Variants in IMMP2L observed in about 807,000 individuals in gnomAD.
IMMP2L encodes the protein inner mitochondrial membrane peptidase subunit 2.
Under a neutral mutation model 19.3 loss-of-function variants are expected in IMMP2L, and 18 were observed. The ratio of observed to expected loss-of-function variants is 0.93; its 90% CI spans 0.64 to 1.38. IMMP2L has a LOEUF of 1.38. Among genes scored for constraint, IMMP2L ranks in the 40% most tolerant of loss-of-function variants. The probability of loss-of-function intolerance (pLI) is 0.00; values close to 1 mark genes in which losing one functional copy is unlikely to be tolerated. For synonymous variants in IMMP2L, 76 were observed against 73.0 expected, an observed-to-expected ratio of 1.04 and a Z score of -0.21; for missense variants, 233 against 218.2, an observed-to-expected ratio of 1.07 and a Z score of -0.43.
At chr7:111,065,307 A>G (rs902859119) in intron 3 of IMMP2L, among the ~76,000 whole-genome samples, 9 of 152,142 alleles carry the variant, frequency 5.9e-5, no homozygotes, top group Non-Finnish European at 4.4e-5. Flanking sequence ...GGATTGGTGC[A>G]TTTCCGGTTG....
At chr7:110,863,335 C>T (rs1807643997) in intron 5 of IMMP2L, among the ~76,000 whole-genome samples, 1 of 152,118 alleles carries the variant, frequency 6.6e-6, no homozygotes, top group Non-Finnish European at 1.5e-5. Context: ...GAGCAGCCCC[C>T]ACTGGGACAT....
chr7:111,053,620 C>T (rs73418019), intron 3 of IMMP2L, among the ~76,000 whole-genome samples: 17,964 of 152,160 alleles, frequency 0.12, 1,440 homozygotes, highest in African/African-American at 0.22. Flanking sequence ...GGTTGCCTGA[C>T]ATTCCTGGTG....
At chr7:111,237,862 C>T (rs1814519489) in intron 3 of IMMP2L, among the ~76,000 whole-genome samples, 1 of 151,976 alleles carries the variant, frequency 6.6e-6, no homozygotes, top group African/African-American at 2.4e-5. Flanking sequence ...CTATAAATTA[C>T]TTATGCTCCC....
chr7:111,445,346 C>A (rs929161942), intron 3 of IMMP2L, among the ~76,000 whole-genome samples: 1 of 151,846 alleles, frequency 6.6e-6, no homozygotes, highest in Non-Finnish European at 1.5e-5. Context: ...AACATCTTAC[C>A]ATCTTTACTC....
chr7:111,121,400 C>T (rs1021725783), intron 3 of IMMP2L, among the ~76,000 whole-genome samples: 2 of 152,136 alleles, frequency 1.3e-5, no homozygotes, highest in African/African-American at 4.8e-5. Flanking sequence ...GTTGCCATTG[C>T]TTTTGGTGTT....
At chr7:111,111,942 G>GTTTTTTTT (rs748410980) in intron 3 of IMMP2L, among the ~76,000 whole-genome samples, 74 of 84,124 alleles carry the variant, frequency 8.8e-4, no homozygotes, top group East Asian at 1.8e-3. Flanking sequence ...TATATAGTTT[G>GTTTTTTTT]TTTTTTTTTT....
intron 5 of IMMP2L, among the ~76,000 whole-genome samples, chr7:110,786,901 TAAC>T (rs983083377): frequency 2.0e-5 from 3 of 151,894 alleles, no homozygotes; most frequent in African/African-American, 7.3e-5. Context: ...TAATGAAAAA[TAAC>T]ACAGCTTTGT....
chr7:111,214,328 CTTCTTTTTTTTTTTTTTT>C (rs1439485079), intron 3 of IMMP2L, among the ~76,000 whole-genome samples: 3 of 85,110 alleles, frequency 3.5e-5, no homozygotes, highest in East Asian at 7.1e-4. Flanking sequence ...AGTAATTTTT[CTTCTTTTTTTTTTTTTTT>C]TTTTTTTTTT....
At chr7:111,166,955 T>A (rs1409862636) in intron 3 of IMMP2L, among the ~76,000 whole-genome samples, 1 of 151,988 alleles carries the variant, frequency 6.6e-6, no homozygotes, top group Non-Finnish European at 1.5e-5. Flanking sequence ...CTGCAAAGAT[T>A]CCTTTTCCAA....
intron 3 of IMMP2L, among the ~76,000 whole-genome samples, chr7:111,003,177 C>A (rs1197921555): frequency 1.3e-5 from 2 of 152,084 alleles, no homozygotes. Flanking sequence ...TGTGTTCTGG[C>A]TCTAAAACTG....
intron 3 of IMMP2L, among the ~76,000 whole-genome samples, chr7:111,218,533 A>G (rs1329792448): frequency 1.3e-5 from 2 of 151,998 alleles, no homozygotes; most frequent in Admixed American, 6.6e-5. Flanking sequence ...AACGTTCCCC[A>G]TATGATCTTA....
rs959604463 is a variant in IMMP2L at position 110,757,554 on chromosome 7, T to G, written c.409-93833A>C. On this transcript the variant is annotated intron_variant, in intron 5 of 5. Coordinates refer to ENST00000405709, the MANE Select transcript of IMMP2L (RefSeq NM_032549.4). This position sits in a 1 kb window ranked among gnomAD's most constrained non-coding sequence, Gnocchi z 4.2. ...CTGGCTTCCGATTTGGTACACATAA[T>G]GAGGATCCCCAGTTGAAGTTCAAAG... Among the ~76,000 whole-genome samples, 2 of 152,032 alleles carry G rather than the reference T, an allele frequency of 1.3e-5. No individual in the cohort carries two copies. The highest frequency in any genetic ancestry group is 4.8e-5 in the African/African-American group (2 of 41,398).
At chr7:110,887,657 C>T (rs972965134) in intron 4 of IMMP2L, among the ~76,000 whole-genome samples, 1 of 149,504 alleles carries the variant, frequency 6.7e-6, no homozygotes, top group African/African-American at 2.5e-5. Context: ...AATTATGATA[C>T]AACCAACTAA....
At chr7:111,497,578 A>G (rs1003643947) in intron 2 of IMMP2L, among the ~76,000 whole-genome samples, 1 of 152,176 alleles carries the variant, frequency 6.6e-6, no homozygotes, top group African/African-American at 2.4e-5. Context: ...CTATGATCCA[A>G]TTTCAGGAAA....
chr7:111,380,031 A>C (rs570007222), intron 3 of IMMP2L, among the ~76,000 whole-genome samples: 1 of 152,068 alleles, frequency 6.6e-6, no homozygotes, highest in South Asian at 2.1e-4. Context: ...CTCCATCGAA[A>C]ACTCTTCTGT....
intron 5 of IMMP2L, among the ~76,000 whole-genome samples, chr7:110,837,971 G>A (rs184710486): frequency 6.6e-6 from 1 of 152,036 alleles, no homozygotes; most frequent in African/African-American, 2.4e-5. Context: ...TATTGTTTTC[G>A]GCCCTAGACT....
At chr7:111,422,493 G>A (rs1032531860) in intron 3 of IMMP2L, among the ~76,000 whole-genome samples, 10 of 151,744 alleles carry the variant, frequency 6.6e-5, no homozygotes, top group Non-Finnish European at 1.0e-4. Flanking sequence ...ATTGTGAATG[G>A]GAGATCATTC....
intron 1 of IMMP2L, among the ~76,000 whole-genome samples, chr7:111,548,563 T>C (rs557506126): frequency 6.6e-6 from 1 of 152,294 alleles, no homozygotes; most frequent in South Asian, 2.1e-4. Context: ...AGCATGTCAA[T>C]GGTACTAACA....
intron 3 of IMMP2L, among the ~76,000 whole-genome samples, chr7:111,406,261 T>C (rs1003642200): frequency 6.6e-6 from 1 of 152,028 alleles, no homozygotes; most frequent in African/African-American, 2.4e-5. Context: ...CCTCTATTTC[T>C]CTCATACTCC....
Sources: allele counts gnomAD v4.1 joint callset (sites outside exome capture counted in the v4.1 genomes callset), GRCh38; gene constraint gnomAD v4.1.1; non-coding constraint Gnocchi (gnomAD v3.1); transcripts MANE v1.5; gene names NCBI Gene and HGNC (gene_info 2026-07-23, HGNC 2026-07-21).